Variants in NRXN1 observed in about 807,000 individuals in gnomAD.
The protein encoded by NRXN1 is neurexin-1.
In NRXN1, 39 loss-of-function variants were observed where a neutral mutation model predicts 150.9. The observed-to-expected ratio is 0.26, with a 90% CI of 0.20 to 0.34. NRXN1 has a LOEUF of 0.34. Among genes scored for constraint, NRXN1 ranks in the 10% least tolerant of loss-of-function variants. The pLI is 1.00. For missense variants in NRXN1, 1,815 were observed against 1,949.9 expected, an observed-to-expected ratio of 0.93 and a Z score of 1.30; for synonymous variants, 924 against 757.0, an observed-to-expected ratio of 1.22 and a Z score of -3.62.
At chr2:50,989,973 G>T (rs1450340790) in intron 2 of NRXN1, among the ~76,000 whole-genome samples, 1 of 151,824 alleles carries the variant, frequency 6.6e-6, no homozygotes, top group Non-Finnish European at 1.5e-5. Context: ...CTACATACTT[G>T]CCAGTACTTG....
At chr2:50,946,220 G>A (rs527384480) in intron 2 of NRXN1, among the ~76,000 whole-genome samples, 1 of 152,124 alleles carries the variant, frequency 6.6e-6, no homozygotes, top group East Asian at 1.9e-4. Flanking sequence ...TGGAAATGCT[G>A]CATACGACGC....
chr2:50,335,822 T>A (rs1217436), intron 17 of NRXN1, among the ~76,000 whole-genome samples: 2 of 151,766 alleles, frequency 1.3e-5, no homozygotes, highest in Non-Finnish European at 2.9e-5. Flanking sequence ...CAGTCTAGAA[T>A]GATAAGAATG....
chr2:50,592,780 T>C (rs1328105437), intron 8 of NRXN1, among the ~76,000 whole-genome samples: 1 of 152,188 alleles, frequency 6.6e-6, no homozygotes, highest in African/African-American at 2.4e-5. Context: ...GTTAGAACCC[T>C]TGTGTATAGT....
At chr2:50,422,308 TA>T (rs2084061410) in intron 17 of NRXN1, among the ~76,000 whole-genome samples, 2 of 152,146 alleles carry the variant, frequency 1.3e-5, no homozygotes, top group South Asian at 4.1e-4. Context: ...CCATGAATTC[TA>T]ACTATAGCCT....
At chr2:50,508,587 A>G (rs1239208712) in intron 12 of NRXN1, among the ~76,000 whole-genome samples, 1 of 151,872 alleles carries the variant, frequency 6.6e-6, no homozygotes, top group Non-Finnish European at 1.5e-5. Flanking sequence ...TGTTAGAAAT[A>G]TGTGCTTTTG....
rs190483942 is a variant in NRXN1, at chr2:50,594,115, T to G, written c.1320+25907A>C. Among the ~76,000 whole-genome samples, 130 of 152,326 alleles carry G rather than the reference T, an allele frequency of 8.5e-4. 1 individual carries two copies. The highest frequency in any genetic ancestry group is 3.1e-3 in the African/African-American group (128 of 41,586). Reference sequence around the variant, plus strand: ...AAGTTTCCTGAAGTCTCTCCAGCCATGCTGAACTGTGAGTCAATTAAACCT... The same window carrying G: ...AAGTTTCCTGAAGTCTCTCCAGCCAGGCTGAACTGTGAGTCAATTAAACCT... On this transcript the variant is annotated intron_variant, in intron 8 of 22. Coordinates refer to ENST00000401669, the MANE Select transcript of NRXN1 (RefSeq NM_001330078.2).
intron 9 of NRXN1, among the ~76,000 whole-genome samples, chr2:50,549,383 A>G (rs1025666772): frequency 6.6e-6 from 1 of 152,130 alleles, no homozygotes; most frequent in Admixed American, 6.5e-5. Flanking sequence ...TTTTTTTTCA[A>G]TTTAATAAAG....
intron 5 of NRXN1, among the ~76,000 whole-genome samples, chr2:50,741,404 C>CT (rs1329856075): frequency 2.0e-5 from 3 of 152,166 alleles, no homozygotes; most frequent in African/African-American, 7.2e-5. Context: ...TCTGTATTCT[C>CT]TATTCTCTCC....
chr2:49,974,149 T>C, intron 21 of NRXN1: 1 of 713,410 alleles, frequency 1.4e-6, no homozygotes, highest in Non-Finnish European at 2.6e-6. Context: ...TGCCTGCGCA[T>C]CAGCCCGGCC....
At chr2:50,162,672 T>C (rs1333393916) in intron 18 of NRXN1, among the ~76,000 whole-genome samples, 1 of 152,106 alleles carries the variant, frequency 6.6e-6, no homozygotes, top group Non-Finnish European at 1.5e-5. Flanking sequence ...TATAGACATT[T>C]TGTATTTCAC....
chr2:50,546,743 T>C lies in NRXN1; in HGVS notation c.1759+5844A>G, dbSNP rs1304195525. On this transcript the variant is annotated intron_variant, in intron 9 of 22. Transcript: ENST00000401669. Reference sequence around the variant, plus strand: ...AAGCAAAATTGACCCCATCTGGTCATATGATCAAAGAACTAGTAAATTATT... The same window carrying C: ...AAGCAAAATTGACCCCATCTGGTCACATGATCAAAGAACTAGTAAATTATT... 2.0e-5 allele frequency among the ~76,000 whole-genome samples: 3 copies of C among 152,310 alleles called. No homozygotes were observed. In the East Asian group the frequency reaches 5.8e-4, roughly 29 times the overall value.
intron 8 of NRXN1, among the ~76,000 whole-genome samples, chr2:50,618,761 C>T (rs925820422): frequency 6.7e-6 from 1 of 149,612 alleles, no homozygotes; most frequent in Non-Finnish European, 1.5e-5. Flanking sequence ...AATATTAGTA[C>T]TATAATAATA....
intron 9 of NRXN1, among the ~76,000 whole-genome samples, chr2:50,545,938 T>A (rs1034263323): frequency 6.6e-6 from 1 of 152,150 alleles, no homozygotes; most frequent in African/African-American, 2.4e-5. Flanking sequence ...ACATAGTTAT[T>A]ATACTGCATT....
intron 17 of NRXN1, among the ~76,000 whole-genome samples, chr2:50,333,941 T>C (rs951599239): frequency 9.9e-5 from 15 of 152,042 alleles, no homozygotes; most frequent in Non-Finnish European, 1.5e-5. Flanking sequence ...CTGCAAGTCT[T>C]GCCTTCACCA....
At chr2:50,066,469 T>A (rs1323280840) in intron 19 of NRXN1, among the ~76,000 whole-genome samples, 1 of 152,198 alleles carries the variant, frequency 6.6e-6, no homozygotes, top group African/African-American at 2.4e-5. Context: ...CACAAACGAT[T>A]GCACCTAGAT....
chr2:50,796,926 G>A (rs1169179420), intron 5 of NRXN1, among the ~76,000 whole-genome samples: 1 of 152,160 alleles, frequency 6.6e-6, no homozygotes, highest in Admixed American at 6.5e-5. Flanking sequence ...GGTCTGGTAA[G>A]AGTCCAGTCT....
intron 17 of NRXN1, among the ~76,000 whole-genome samples, chr2:50,427,655 A>G (rs1006248916): frequency 6.6e-6 from 1 of 152,340 alleles, no homozygotes. Flanking sequence ...TTGTCCAGAA[A>G]ATTTAGAATG....
chr2:50,802,094 C>T (rs1030119984), intron 5 of NRXN1, among the ~76,000 whole-genome samples: 2 of 152,128 alleles, frequency 1.3e-5, no homozygotes, highest in African/African-American at 2.4e-5. Flanking sequence ...TAAAGAATTA[C>T]AAGGCCTTCT....
chr2:50,012,508 A>C (rs759505448), intron 21 of NRXN1, among the ~76,000 whole-genome samples: 2 of 152,138 alleles, frequency 1.3e-5, no homozygotes, highest in Non-Finnish European at 2.9e-5. Context: ...TTTAAAAAAG[A>C]AAGAAGAGCT....
Sources: allele counts gnomAD v4.1 joint callset (sites outside exome capture counted in the v4.1 genomes callset), GRCh38; gene constraint gnomAD v4.1.1; transcripts MANE v1.5; gene names NCBI Gene and HGNC (gene_info 2026-07-23, HGNC 2026-07-21).